PREPL: variants seen among roughly 807,000 people sequenced by gnomAD.
The protein encoded by PREPL is prolyl endopeptidase-like.
In PREPL, 77 loss-of-function variants were observed where a neutral mutation model predicts 70.6. The observed-to-expected ratio is 1.09, with a 90% confidence interval of 0.91 to 1.32. PREPL has a LOEUF of 1.32. Ranked by LOEUF, PREPL falls within the 40% of genes most tolerant of loss-of-function variation. The pLI is 0.00. For missense variants in PREPL, 1,002 were observed against 778.2 expected, an observed-to-expected ratio of 1.29 and a Z score of -3.42; for synonymous variants, 315 against 264.8, an observed-to-expected ratio of 1.19 and a Z score of -1.84.
rs1159212494 is a variant in PREPL at position 44,319,327 on chromosome 2, G to A, written c.*2029C>T. The A allele has an allele frequency of 6.6e-6, 1 of 152,502 alleles. No homozygotes were observed. The highest frequency in any genetic ancestry group is 1.9e-4 in the East Asian group (1 of 5,196). The allele number at this position is 152,502 out of a possible 1,614,324, so 9.4% of individuals were successfully genotyped here. Reference sequence around the variant, plus strand: ...AATAATTTGGCATTATGTATCAAGTGCCCATACTCTTTGACAAAGTAACTG... The same window carrying A: ...AATAATTTGGCATTATGTATCAAGTACCCATACTCTTTGACAAAGTAACTG... On this transcript the variant is annotated 3_prime_UTR_variant, in exon 14 of 14. Transcript: ENST00000409411.
chr2:44,332,667 A>G lies in PREPL; in HGVS notation c.889-11T>C. The G allele has an allele frequency of 6.3e-7, 1 of 1,585,950 alleles. No homozygotes were observed. The highest frequency in any genetic ancestry group is 8.6e-7 in the Non-Finnish European group (1 of 1,163,850). ...GGCCCAAGGAGGGAGCTAAAGAAAT[A>G]CAACAGCTATTTTTATTCTTTATTT... On this transcript the variant is annotated splice_polypyrimidine_tract_variant and intron_variant, in intron 7 of 13. Coordinates refer to ENST00000409411, the MANE Select transcript of PREPL (RefSeq NM_001171613.2).
At chr2:44,341,547 A>C (rs994417744) in intron 5 of PREPL, among the ~76,000 whole-genome samples, 3 of 152,018 alleles carry the variant, frequency 2.0e-5, no homozygotes, top group African/African-American at 7.2e-5. Context: ...TACTTGACCA[A>C]ATAGTTGTTA....
Position 44,322,839 on chromosome 2 carries a change from G to A in PREPL, c.1645C>T (p.His549Tyr), listed in dbSNP as rs756303336. ...NIKPQHYPSI[H>Y]ITAYENDERV... The stretch of plus-strand genomic sequence containing the variant: ...TCATCGTTTTCATATGCCGTTATGT[G>A]AATTGAAGGATAATGCTGAAAGAAA... The change falls in exon 12 of 14, where the codon CAC becomes TAC. Residue 549 changes from histidine to tyrosine, a missense_variant. His to Tyr is a moderately conservative substitution (Grantham distance 83). Coordinates refer to ENST00000409411, the MANE Select transcript of PREPL (RefSeq NM_001171613.2). 2 of 1,613,378 alleles carry A rather than the reference G, an allele frequency of 1.2e-6. No individual in the cohort carries two copies. Among genetic ancestry groups the A allele is most frequent in the South Asian group, 1.1e-5 (1 of 91,026 alleles).
intron 7 of PREPL, among the ~76,000 whole-genome samples, chr2:44,334,641 C>T (rs1674451905): frequency 6.6e-6 from 1 of 152,152 alleles, no homozygotes; most frequent in South Asian, 2.1e-4. Flanking sequence ...CAGCTCTCGG[C>T]TTCAAGTGAC....
At chr2:44,338,583 G>A (rs1218847993) in intron 6 of PREPL, 47 bp from the exon 7 acceptor site, 2 of 1,459,078 alleles carry the variant, frequency 1.4e-6, no homozygotes, top group African/African-American at 1.4e-5. Flanking sequence ...AAACACGAAG[G>A]CTGCAGCATC....
intron 1 of PREPL, chr2:44,360,711 G>T (rs1462618999): frequency 6.6e-6 from 1 of 152,126 alleles, no homozygotes; most frequent in Admixed American, 6.5e-5. Flanking sequence ...TACCTTCTAG[G>T]GTTGTTGTTG....
chr2:44,326,828 C>G lies in PREPL; in HGVS notation c.1363G>C (p.Gly455Arg). Residue 455 changes from glycine (G) to arginine (R), a missense_variant, in exon 10 of 14, where the codon GGC (glycine) becomes CGC (arginine). By Grantham distance (125) the Gly-to-Arg change is moderately radical (BLOSUM62 -2). Coordinates refer to ENST00000409411, the MANE Select transcript of PREPL (RefSeq NM_001171613.2). ...DLEACIKTLH[G>R]QGFSQPSLTT... ...AGACTTGGCTGAGAAAAGCCTTGGC[C>G]ATGAAGCGTCTTAATGCAAGCCTCT... The G allele has an allele frequency of 2.5e-6, 4 of 1,614,186 alleles. No individual in the cohort carries two copies. The highest frequency in any genetic ancestry group is 3.4e-6 in the Non-Finnish European group (4 of 1,180,026).
At chr2:44,344,496 G>A (rs759418139) in intron 3 of PREPL, 24 bp downstream of exon 3, 13 of 1,512,268 alleles carry the variant, frequency 8.6e-6, no homozygotes, top group African/African-American at 2.8e-5. Context: ...ATTAGAGCAC[G>A]TAAAAAGAAA....
At chr2:44,353,872 G>A (rs1312894166) in intron 1 of PREPL, among the ~76,000 whole-genome samples, 3 of 151,380 alleles carry the variant, frequency 2.0e-5, no homozygotes, top group Admixed American at 6.6e-5. Context: ...CTCAAAATGG[G>A]TCATAGGGCT....
intron 1 of PREPL, among the ~76,000 whole-genome samples, chr2:44,353,286 T>A (rs1676646628): frequency 6.6e-6 from 1 of 150,386 alleles, no homozygotes; most frequent in South Asian, 2.1e-4. Flanking sequence ...GCTTCCTGAT[T>A]TTAAGACTTA....
chr2:44,335,845 A>AAAC lies in PREPL; in HGVS notation c.888+2505_888+2506insGTT, dbSNP rs529930140. Among the ~76,000 whole-genome samples the AAAC allele has an allele frequency of 1.5e-3, 225 of 152,000 alleles. 1 individual carries two copies. The highest frequency in any genetic ancestry group is 3.9e-3 in the Admixed American group (60 of 15,240). On this transcript the variant is annotated intron_variant, in intron 7 of 13. Coordinates refer to ENST00000409411, the MANE Select transcript of PREPL (RefSeq NM_001171613.2). Reference sequence around the variant, plus strand: ...TAAGGAACTTATATTAACAAGCAAAACAAACAAAAACAGAAAAAAACCCCA... The same window carrying AAAC: ...TAAGGAACTTATATTAACAAGCAAAAAACCAAACAAAAACAGAAAAAAACCCCA...
chr2:44,339,290 CA>C lies in PREPL; in HGVS notation c.558del (p.Glu187LysfsTer4). The part of the protein sequence containing the change: ...LTINIMNKTT[S>X]EVWLIDGLSP... Reference sequence around the variant, plus strand: ...CTCAGGCCATCTATCAACCACACTTCAGAAGTAGTCTTGTTCATAATATTTA... The same window carrying C: ...CTCAGGCCATCTATCAACCACACTTCGAAGTAGTCTTGTTCATAATATTTA... On this transcript the variant is annotated frameshift_variant, in exon 6 of 14. Coordinates refer to ENST00000409411, the MANE Select transcript of PREPL (RefSeq NM_001171613.2). LOFTEE classifies it high-confidence loss of function. 1 of 1,614,044 alleles carries C rather than the reference CA, an allele frequency of 6.2e-7. No homozygotes were observed. The highest frequency in any genetic ancestry group is 1.1e-5 in the South Asian group (1 of 91,078).
intron 1 of PREPL, among the ~76,000 whole-genome samples, chr2:44,355,926 T>G (rs1054531547): frequency 6.6e-6 from 1 of 152,130 alleles, no homozygotes. Flanking sequence ...AAATTATCAC[T>G]ATTAAAGATT....
chr2:44,322,403 C>G (rs72804907), intron 12 of PREPL, among the ~76,000 whole-genome samples: 3,627 of 152,112 alleles, frequency 0.024, 53 homozygotes, highest in Non-Finnish European at 0.038. Flanking sequence ...TAGAGATTCC[C>G]AAGAATAACG....
intron 1 of PREPL, among the ~76,000 whole-genome samples, chr2:44,359,067 C>CTTTT (rs35700374): frequency 2.1e-5 from 2 of 94,474 alleles, no homozygotes; most frequent in African/African-American, 4.1e-5. Flanking sequence ...TATGTATACA[C>CTTTT]TTTTTTTTTT....
intron 8 of PREPL, 127 bp downstream of exon 8, chr2:44,332,332 G>A: frequency 2.6e-6 from 2 of 757,430 alleles, no homozygotes; most frequent in Admixed American, 2.9e-5. Flanking sequence ...AGTCACTTGG[G>A]TATTACTGTG....
chr2:44,341,940 G>A (rs1287386352), intron 5 of PREPL, among the ~76,000 whole-genome samples: 1 of 151,938 alleles, frequency 6.6e-6, no homozygotes, highest in Non-Finnish European at 1.5e-5. Flanking sequence ...ATATTACTAA[G>A]AATTTAATGG....
intron 1 of PREPL, among the ~76,000 whole-genome samples, chr2:44,358,768 A>G (rs528575556): frequency 6.6e-6 from 1 of 152,318 alleles, no homozygotes; most frequent in South Asian, 2.1e-4. Context: ...ATACTCTGAC[A>G]GTGTCTTCCT....
At chr2:44,328,830 A>G in intron 9 of PREPL, 107 bp downstream of exon 9, 1 of 1,163,896 alleles carries the variant, frequency 8.6e-7, no homozygotes, top group Non-Finnish European at 1.2e-6. Context: ...AAAATTGAAT[A>G]ATAAGAATGA....
Sources: gnomAD v4.1 joint callset for allele counts (sites outside exome capture counted in the v4.1 genomes callset) on GRCh38, gnomAD v4.1.1 for gene constraint, MANE v1.5 for transcripts, NCBI Gene and HGNC (gene_info 2026-07-23, HGNC 2026-07-21) for gene names.